Variants in BMAL2 observed in about 807,000 individuals in gnomAD.
BMAL2 encodes basic helix-loop-helix ARNT like 2.
At chr12:27,371,896 T>C in the BMAL2 span, among the ~76,000 whole-genome samples, 5 of 152,156 alleles carry the variant, frequency 3.3e-5, no homozygotes, top group African/African-American at 1.2e-4. Flanking sequence ...ATTCCCATTC[T>C]CCTCTCTCCT....
At chr12:27,353,836 T>C in the BMAL2 span, among the ~76,000 whole-genome samples, 1 of 152,066 alleles carries the variant, frequency 6.6e-6, no homozygotes, top group Non-Finnish European at 1.5e-5. Flanking sequence ...GCAGTTATCA[T>C]TAGAGAAATG....
chr12:27,341,705 T>G, the BMAL2 span, among the ~76,000 whole-genome samples: 3 of 152,210 alleles, frequency 2.0e-5, no homozygotes, highest in Non-Finnish European at 4.4e-5. Context: ...GCTCCAGATA[T>G]GCTCGCAGAA....
At chr12:27,421,709 G>C in the BMAL2 span, 3 of 152,164 alleles carry the variant, frequency 2.0e-5, no homozygotes, top group African/African-American at 7.2e-5. Flanking sequence ...CATACTTAGG[G>C]ATAGATTTGT....
At chr12:27,385,923 C>T in the BMAL2 span, among the ~76,000 whole-genome samples, 1 of 152,100 alleles carries the variant, frequency 6.6e-6, no homozygotes, top group Non-Finnish European at 1.5e-5. Context: ...GGAGGCCAGT[C>T]ACTGCTTACT....
the BMAL2 span, chr12:27,415,846 G>C: frequency 6.6e-7 from 1 of 1,520,018 alleles, no homozygotes; most frequent in Non-Finnish European, 9.1e-7. Context: ...AATTAAAAAT[G>C]TTTTATGTAT....
the BMAL2 span, chr12:27,403,455 G>C: frequency 6.2e-7 from 1 of 1,607,014 alleles, no homozygotes; most frequent in East Asian, 2.2e-5. Flanking sequence ...AGTCCTGTAT[G>C]AGTGTACCTG....
the BMAL2 span, among the ~76,000 whole-genome samples, chr12:27,405,538 C>G: frequency 6.6e-6 from 1 of 152,224 alleles, no homozygotes; most frequent in Non-Finnish European, 1.5e-5. Flanking sequence ...GCTGAGGGTC[C>G]TGACTGTTAG....
At chr12:27,363,427 C>T in the BMAL2 span, among the ~76,000 whole-genome samples, 5 of 152,294 alleles carry the variant, frequency 3.3e-5, no homozygotes, top group African/African-American at 9.6e-5. Context: ...TAGCAACTTA[C>T]ATGCTTGCCA....
the BMAL2 span, among the ~76,000 whole-genome samples, chr12:27,382,385 AG>A: frequency 6.6e-6 from 1 of 152,176 alleles, no homozygotes; most frequent in African/African-American, 2.4e-5. Context: ...CTGCCCTTTA[AG>A]GGTTTGTGGT....
chr12:27,390,470 T>C, the BMAL2 span: 1 of 446,084 alleles, frequency 2.2e-6, no homozygotes, highest in Non-Finnish European at 3.9e-6. Context: ...AATGGTGTTA[T>C]TGAAATTGTA....
chr12:27,390,308 C>A, the BMAL2 span: 3 of 1,488,160 alleles, frequency 2.0e-6, no homozygotes, highest in Admixed American at 5.6e-5. Context: ...ATTTTCTGTA[C>A]AGAAAAAATA....
chr12:27,402,705 C>G, the BMAL2 span: 663 of 1,570,496 alleles, frequency 4.2e-4, 1 homozygote, highest in African/African-American at 8.0e-3. Flanking sequence ...TGATGGAAGA[C>G]TTATTACTAA....
At chr12:27,406,633 C>A in the BMAL2 span, among the ~76,000 whole-genome samples, 1 of 152,192 alleles carries the variant, frequency 6.6e-6, no homozygotes, top group Non-Finnish European at 1.5e-5. Flanking sequence ...CCAGCCACTG[C>A]AAAAACATGC....
At chr12:27,413,124 T>G in the BMAL2 span, among the ~76,000 whole-genome samples, 4 of 152,158 alleles carry the variant, frequency 2.6e-5, no homozygotes, top group African/African-American at 9.7e-5. Flanking sequence ...GAGATCTACC[T>G]TTCAAGAATG....
chr12:27,349,581 A>G, the BMAL2 span, among the ~76,000 whole-genome samples: 1 of 152,170 alleles, frequency 6.6e-6, no homozygotes, highest in Non-Finnish European at 1.5e-5. Context: ...CTGACCATTT[A>G]TATGAGGATG....
chr12:27,375,440 TAAGAC>T, the BMAL2 span, among the ~76,000 whole-genome samples: 1 of 152,196 alleles, frequency 6.6e-6, no homozygotes, highest in East Asian at 1.9e-4. Flanking sequence ...GTTAAATGAA[TAAGAC>T]AAGACATGAA....
At chr12:27,388,241 GC>G in the BMAL2 span, among the ~76,000 whole-genome samples, 19 of 152,274 alleles carry the variant, frequency 1.2e-4, 1 homozygote, top group South Asian at 3.7e-3. Context: ...CTGCTCAGGG[GC>G]ATGTAGGGAT....
the BMAL2 span, chr12:27,385,676 C>T: frequency 3.6e-5 from 22 of 614,348 alleles, no homozygotes; most frequent in Middle Eastern, 4.3e-4. Flanking sequence ...CATATTACAC[C>T]GTATTTCCTT....
chr12:27,388,387 C>T, the BMAL2 span, among the ~76,000 whole-genome samples: 2 of 152,106 alleles, frequency 1.3e-5, no homozygotes, highest in African/African-American at 2.4e-5. Context: ...AACAATTCAG[C>T]CTGCTTATAT....
Sources: allele counts gnomAD v4.1 joint callset (sites outside exome capture counted in the v4.1 genomes callset), GRCh38; gene constraint gnomAD v4.1.1; transcripts MANE v1.5; gene names NCBI Gene and HGNC (gene_info 2026-07-23, HGNC 2026-07-21).